ELMO1: variants seen among roughly 807,000 people sequenced by gnomAD.
ELMO1 encodes engulfment and cell motility protein 1.
A neutral mutation model predicts 98.9 loss-of-function variants in ELMO1; 26 were observed. The observed-to-expected ratio is 0.26, with a 90% confidence interval of 0.19 to 0.36. ELMO1 has a LOEUF of 0.36. ELMO1 is among the 10% of genes least tolerant of loss of function. ELMO1 has a pLI of 1.00. For synonymous variants in ELMO1, 346 were observed against 346.0 expected, an observed-to-expected ratio of 1.00 and a Z score of 0.00; for missense variants, 627 against 935.2, an observed-to-expected ratio of 0.67 and a Z score of 4.30.
chr7:37,246,866 CTCTA>C (rs10547342), intron 6 of ELMO1, among the ~76,000 whole-genome samples: 5,929 of 151,058 alleles, frequency 0.039, 361 homozygotes, highest in African/African-American at 0.13. Flanking sequence ...CTATATATAT[CTCTA>C]TCTATCTATC....
chr7:37,068,019 A>G (rs1797076341), intron 15 of ELMO1, among the ~76,000 whole-genome samples: 1 of 152,166 alleles, frequency 6.6e-6, no homozygotes, highest in Admixed American at 6.6e-5. Context: ...TTAGAGACCA[A>G]ATACTGGGCT....
chr7:37,054,869 T>C (rs1026731464), intron 15 of ELMO1, among the ~76,000 whole-genome samples: 6 of 152,224 alleles, frequency 3.9e-5, no homozygotes, highest in African/African-American at 1.2e-4. Context: ...AAAAATTTCA[T>C]TTTCCATTGG....
At chr7:37,097,157 T>G (rs1202607430) in intron 14 of ELMO1, among the ~76,000 whole-genome samples, 8 of 152,332 alleles carry the variant, frequency 5.3e-5, no homozygotes, top group African/African-American at 1.9e-4. Context: ...TACAAGATCT[T>G]ACCCTCTGGC....
At chr7:37,222,165 C>T (rs1276511525) in intron 10 of ELMO1, among the ~76,000 whole-genome samples, 2 of 152,220 alleles carry the variant, frequency 1.3e-5, no homozygotes, top group African/African-American at 4.8e-5. Flanking sequence ...CCTTCCATCA[C>T]CTCCTTCCTT....
At chr7:36,862,071 T>A in intron 20 of ELMO1, 1 of 282,414 alleles carries the variant, frequency 3.5e-6, no homozygotes, top group Non-Finnish European at 6.9e-6. Flanking sequence ...AAAACTGTGT[T>A]ATTCTCCTTT....
At chr7:37,141,053 G>A (rs532424258) in intron 13 of ELMO1, among the ~76,000 whole-genome samples, 2 of 152,238 alleles carry the variant, frequency 1.3e-5, no homozygotes, top group African/African-American at 4.8e-5. Context: ...AGGAAAAGAA[G>A]TCATTATATG....
chr7:37,441,757 G>A (rs1347427959), intron 1 of ELMO1, among the ~76,000 whole-genome samples: 2 of 152,198 alleles, frequency 1.3e-5, no homozygotes, highest in African/African-American at 4.8e-5. Flanking sequence ...TCAGCCACAG[G>A]TACTAGGAAG....
At chr7:37,005,107 C>CAAAAAAAAAAAAAA (rs35665315) in intron 16 of ELMO1, among the ~76,000 whole-genome samples, 4 of 38,288 alleles carry the variant, frequency 1.0e-4, no homozygotes, top group Non-Finnish European at 2.5e-4. Context: ...GGCTCTGTCT[C>CAAAAAAAAAAAAAA]AAAAAAAAAA....
chr7:37,384,684 C>A (rs1333813994), intron 1 of ELMO1, among the ~76,000 whole-genome samples: 1 of 150,482 alleles, frequency 6.6e-6, no homozygotes, highest in Non-Finnish European at 1.5e-5. Flanking sequence ...AGAGCCACTG[C>A]AGTCCGGCCT....
chr7:37,238,745 A>AT (rs1794605273), intron 7 of ELMO1, among the ~76,000 whole-genome samples: 1 of 152,156 alleles, frequency 6.6e-6, no homozygotes, highest in South Asian at 2.1e-4. Flanking sequence ...GAGAATTTTT[A>AT]TTATTAATAT....
intron 1 of ELMO1, among the ~76,000 whole-genome samples, chr7:37,352,748 T>C (rs777842129): frequency 6.6e-6 from 1 of 152,222 alleles, no homozygotes; most frequent in Non-Finnish European, 1.5e-5. Context: ...AGTAACTCTT[T>C]CCAATTCAGA....
chr7:37,174,854 T>A (rs1310925902), intron 13 of ELMO1, among the ~76,000 whole-genome samples: 1 of 152,074 alleles, frequency 6.6e-6, no homozygotes, highest in Admixed American at 6.6e-5. Context: ...TTGTAAGCAC[T>A]AGCTTTCATA....
intron 10 of ELMO1, among the ~76,000 whole-genome samples, chr7:37,219,673 T>C (rs1376617948): frequency 1.3e-5 from 2 of 152,202 alleles, no homozygotes; most frequent in Non-Finnish European, 2.9e-5. Context: ...TGGGATGCTT[T>C]GCAGGTAAAA....
chr7:37,084,733 C>T (rs1185842339), intron 15 of ELMO1, among the ~76,000 whole-genome samples: 4 of 151,736 alleles, frequency 2.6e-5, no homozygotes, highest in Non-Finnish European at 4.4e-5. Flanking sequence ...TGGCAGTGGT[C>T]TCCCTCTTTT....
intron 14 of ELMO1, among the ~76,000 whole-genome samples, chr7:37,122,986 C>T (rs887280734): frequency 6.6e-6 from 1 of 152,128 alleles, no homozygotes; most frequent in Non-Finnish European, 1.5e-5. Context: ...GAAACCCACT[C>T]AAAACTGCTC....
rs1185201496 is a variant in ELMO1 at position 36,956,469 on chromosome 7, A to T, written c.1437+56830T>A. On this transcript the variant is annotated intron_variant, in intron 16 of 21. Transcript: ENST00000310758. ...TCTTCTACATCCAAGAAGTAATTTCAGACCCAAATGCCATCTGATCAATCA... is the reference window on the plus strand; with the variant it reads ...TCTTCTACATCCAAGAAGTAATTTCTGACCCAAATGCCATCTGATCAATCA... Among the ~76,000 whole-genome samples the T allele has an allele frequency of 3.3e-5, 5 of 152,246 alleles. No homozygotes were observed. The East Asian group carries it at 9.6e-4, about 29-fold the overall frequency.
intron 16 of ELMO1, among the ~76,000 whole-genome samples, chr7:36,912,073 A>G (rs1476365299): frequency 1.3e-5 from 2 of 152,256 alleles, no homozygotes; most frequent in African/African-American, 2.4e-5. Flanking sequence ...GGAAGGCTGC[A>G]TGACAAATAT....
chr7:36,886,892 T>A (rs1805054235), intron 18 of ELMO1, among the ~76,000 whole-genome samples: 2 of 152,242 alleles, frequency 1.3e-5, no homozygotes, highest in South Asian at 4.1e-4. Context: ...CTTAGTTCAC[T>A]GTTACTTATA....
chr7:37,229,801 T>C (rs1794069376), intron 8 of ELMO1, among the ~76,000 whole-genome samples: 1 of 152,236 alleles, frequency 6.6e-6, no homozygotes, highest in Non-Finnish European at 1.5e-5. Context: ...AGACTGGGAA[T>C]GAGGACATGA....
Sources: gnomAD v4.1 joint callset for allele counts (sites outside exome capture counted in the v4.1 genomes callset) on GRCh38, gnomAD v4.1.1 for gene constraint, MANE v1.5 for transcripts, NCBI Gene and HGNC (gene_info 2026-07-23, HGNC 2026-07-21) for gene names.